LMBRD1: variants seen among roughly 807,000 people sequenced by gnomAD.
LMBRD1 encodes the protein lysosomal cobalamin transport escort protein LMBD1.
Under a neutral mutation model 74.8 loss-of-function variants are expected in LMBRD1, and 64 were observed. That is an observed-to-expected ratio of 0.86 (90% CI 0.70 to 1.05). The LOEUF (loss-of-function observed/expected upper bound fraction) is 1.05, where lower values mean the gene tolerates loss of function less well. Ranked by LOEUF, LMBRD1 falls within the 50% of genes least tolerant of loss-of-function variation. The pLI is 0.00. For missense variants in LMBRD1, 652 were observed against 645.9 expected (o/e 1.01, Z -0.10); for synonymous variants, 204 against 216.3 (o/e 0.94, Z 0.50).
intron 7 of LMBRD1, among the ~76,000 whole-genome samples, chr6:69,737,417 G>A (rs1247279307): frequency 6.6e-6 from 1 of 151,740 alleles, no homozygotes; most frequent in Non-Finnish European, 1.5e-5. Flanking sequence ...GGGAGTATAA[G>A]AACAGATTTC....
At chr6:69,786,727 C>T (rs1202388625) in intron 2 of LMBRD1, among the ~76,000 whole-genome samples, 1 of 152,088 alleles carries the variant, frequency 6.6e-6, no homozygotes, top group South Asian at 2.1e-4. Flanking sequence ...TTATAATATA[C>T]CCCTGCCATA....
intron 5 of LMBRD1, among the ~76,000 whole-genome samples, chr6:69,744,350 G>C (rs1253055057): frequency 6.6e-6 from 1 of 152,112 alleles, no homozygotes; most frequent in Non-Finnish European, 1.5e-5. Flanking sequence ...ACTACTCAAG[G>C]TCATCATCAA....
intron 3 of LMBRD1, among the ~76,000 whole-genome samples, chr6:69,763,592 C>T (rs1765417815): frequency 6.6e-6 from 1 of 152,136 alleles, no homozygotes; most frequent in South Asian, 2.1e-4. Flanking sequence ...AAGGCTGCAT[C>T]CTCATTTCAA....
chr6:69,699,682 T>C (rs1766085181), intron 12 of LMBRD1, among the ~76,000 whole-genome samples: 1 of 151,804 alleles, frequency 6.6e-6, no homozygotes, highest in African/African-American at 2.4e-5. Context: ...TAAAGGGAAA[T>C]GAAAACACAT....
intron 9 of LMBRD1, chr6:69,705,219 C>A: frequency 1.6e-6 from 1 of 621,310 alleles, no homozygotes; most frequent in South Asian, 1.5e-5. Flanking sequence ...AAAAGGACAG[C>A]CAGATATCAA....
At chr6:69,711,944 CA>C (rs1467665431) in intron 9 of LMBRD1, among the ~76,000 whole-genome samples, 1 of 152,000 alleles carries the variant, frequency 6.6e-6, no homozygotes, top group Non-Finnish European at 1.5e-5. Context: ...AGGTACTAAG[CA>C]AGGAACCCAT....
chr6:69,697,775 T>G (rs1041983336), intron 13 of LMBRD1, 134 bp from the exon 14 acceptor site: 8 of 594,000 alleles, frequency 1.3e-5, no homozygotes, highest in Non-Finnish European at 1.8e-5. Context: ...GTAAATTTTG[T>G]GCAACATTGC....
chr6:69,730,368 A>G (rs1766829554), intron 7 of LMBRD1, among the ~76,000 whole-genome samples: 1 of 152,122 alleles, frequency 6.6e-6, no homozygotes, highest in Non-Finnish European at 1.5e-5. Context: ...CATATTTGTG[A>G]AATCTATTAT....
At position 69,741,800 on chromosome 6, in the gene LMBRD1, A is replaced by G. The variant is rs1205310038; in HGVS notation, c.551T>C (p.Leu184Pro). The change falls in exon 6 of 16, where the codon CTT (leucine) becomes CCT (proline). Residue 184 changes from leucine to proline, a missense_variant. This residue lies in a region of LMBRD1 where 598 missense variants were observed against 581.8 expected (regional missense o/e 1.03). Transcript: ENST00000649934. ...WEKVKSLFEE[L>P]GSSHGLAALS... ...AAAACAATACTTACGACTACTTCCA[A>G]GTTCTTCAAATAGGGACTTCACTTT... The G allele has an allele frequency of 8.2e-6, 13 of 1,586,702 alleles. No individual in the cohort carries two copies. The highest frequency in any genetic ancestry group is 1.0e-5 in the Non-Finnish European group (12 of 1,155,264).
chr6:69,784,797 T>C (rs571064553), intron 2 of LMBRD1, among the ~76,000 whole-genome samples: 1 of 152,336 alleles, frequency 6.6e-6, no homozygotes, highest in Non-Finnish European at 1.5e-5. Context: ...CTCACCCTTC[T>C]GGAGGAAACT....
intron 14 of LMBRD1, among the ~76,000 whole-genome samples, chr6:69,682,671 A>T (rs1765688592): frequency 6.6e-6 from 1 of 152,020 alleles, no homozygotes; most frequent in South Asian, 2.1e-4. Flanking sequence ...GGATAGTCAG[A>T]TATAAAGCAA....
chr6:69,729,756 T>C (rs1314103323), intron 7 of LMBRD1, among the ~76,000 whole-genome samples: 3 of 152,070 alleles, frequency 2.0e-5, no homozygotes, highest in Non-Finnish European at 4.4e-5. Flanking sequence ...TTTTTAATTG[T>C]CCGAAGACAA....
intron 3 of LMBRD1, among the ~76,000 whole-genome samples, chr6:69,753,538 A>G (rs932408925): frequency 9.2e-5 from 14 of 152,224 alleles, no homozygotes; most frequent in African/African-American, 3.4e-4. Context: ...GTTTCCTAAA[A>G]AAATGAAAAA....
chr6:69,723,672 G>C (rs985348031), intron 7 of LMBRD1, among the ~76,000 whole-genome samples: 3 of 151,952 alleles, frequency 2.0e-5, no homozygotes, highest in African/African-American at 7.2e-5. Flanking sequence ...AGCGAAAGTA[G>C]CAGTAAGAGG....
chr6:69,735,681 C>T (rs2149867488), intron 7 of LMBRD1, among the ~76,000 whole-genome samples: 1 of 152,310 alleles, frequency 6.6e-6, no homozygotes, highest in African/African-American at 2.4e-5. Flanking sequence ...TTTCTCCACT[C>T]CCACTCGCTA....
intron 3 of LMBRD1, among the ~76,000 whole-genome samples, chr6:69,758,459 C>T (rs1211475196): frequency 6.6e-6 from 1 of 152,118 alleles, no homozygotes; most frequent in Non-Finnish European, 1.5e-5. Context: ...TTGACCTTCC[C>T]CCTTCCTACT....
At chr6:69,683,183 C>T (rs1765697933) in intron 14 of LMBRD1, among the ~76,000 whole-genome samples, 1 of 151,996 alleles carries the variant, frequency 6.6e-6, no homozygotes, top group Non-Finnish European at 1.5e-5. Flanking sequence ...CTGATCAATA[C>T]TCAATTTTCC....
At chr6:69,683,800 G>A (rs2090509218) in intron 14 of LMBRD1, among the ~76,000 whole-genome samples, 1 of 152,002 alleles carries the variant, frequency 6.6e-6, no homozygotes, top group Non-Finnish European at 1.5e-5. Flanking sequence ...CAAAGAGAAT[G>A]GAAGTAGAAC....
chr6:69,682,760 CTG>C (rs1765690149), intron 14 of LMBRD1, among the ~76,000 whole-genome samples: 1 of 151,906 alleles, frequency 6.6e-6, no homozygotes, highest in African/African-American at 2.4e-5. Context: ...AGACAGAAAA[CTG>C]AGATTTAGTT....
Sources: allele counts gnomAD v4.1 joint callset (sites outside exome capture counted in the v4.1 genomes callset), GRCh38; gene constraint gnomAD v4.1.1; regional missense constraint gnomAD v4.1.1; transcripts MANE v1.5; gene names NCBI Gene and HGNC (gene_info 2026-07-23, HGNC 2026-07-21).